Variants in CDC42BPB observed in about 807,000 individuals in gnomAD.
CDC42BPB encodes the protein serine/threonine-protein kinase MRCK beta.
Under a neutral mutation model 214.9 loss-of-function variants are expected in CDC42BPB, and 37 were observed. The observed-to-expected ratio is 0.17, with a 90% confidence interval of 0.13 to 0.23. The LOEUF is 0.23. Ranked by LOEUF, CDC42BPB falls within the 10% of genes least tolerant of loss-of-function variation. CDC42BPB has a pLI of 1.00. For missense variants in CDC42BPB, 1,694 were observed against 2,227.0 expected, an observed-to-expected ratio of 0.76 and a Z score of 4.82; for synonymous variants, 931 against 884.0, an observed-to-expected ratio of 1.05 and a Z score of -0.94.
chr14:103,007,559 GC>G (rs1885905888), intron 3 of CDC42BPB, among the ~76,000 whole-genome samples: 1 of 152,224 alleles, frequency 6.6e-6, no homozygotes, highest in African/African-American at 2.4e-5. Context: ...TGAGGAGGTG[GC>G]CACGTCGAGA....
Position 102,944,413 on chromosome 14 carries a change from G to C in CDC42BPB, c.3886C>G (p.Leu1296Val). 6.2e-7 allele frequency: 1 copy of C among 1,613,084 alleles called. No homozygotes were observed. The highest frequency in any genetic ancestry group is 8.5e-7 in the Non-Finnish European group (1 of 1,180,002). Residue 1296 changes from leucine (L) to valine (V), a missense_variant, in exon 30 of 37, where the codon CTC becomes GTC. By Grantham distance (32) the Leu-to-Val change is conservative. Transcript: ENST00000361246. This position sits in a 1 kb window ranked among gnomAD's most constrained non-coding sequence, Gnocchi z 6.6. ...TGCACATGGTGGTTCCGGCCACAGA[G>C]GAGGATTACGATCTTCTCCCTGGGA... ...LAPREKIVIL[L>V]CGRNHHVHLY...
intron 16 of CDC42BPB, among the ~76,000 whole-genome samples, chr14:102,967,569 G>C (rs988199113): frequency 6.6e-6 from 1 of 152,250 alleles, no homozygotes; most frequent in African/African-American, 2.4e-5. Flanking sequence ...CGGTGCGGCT[G>C]CCGCACACCA....
chr14:102,949,160 G>A (rs1452472144), intron 26 of CDC42BPB, among the ~76,000 whole-genome samples: 1 of 152,180 alleles, frequency 6.6e-6, no homozygotes, highest in East Asian at 1.9e-4. Flanking sequence ...TCTTAGTGAT[G>A]CGTTTACCTT....
At chr14:103,056,512 G>A (rs1276745551) in intron 1 of CDC42BPB, among the ~76,000 whole-genome samples, 3 of 152,028 alleles carry the variant, frequency 2.0e-5, no homozygotes, top group African/African-American at 4.8e-5. Context: ...GAGAAGCGTG[G>A]GGTGGGGAAA....
At chr14:103,031,189 A>G (rs185198450) in intron 1 of CDC42BPB, among the ~76,000 whole-genome samples, 1 of 152,178 alleles carries the variant, frequency 6.6e-6, no homozygotes, top group East Asian at 1.9e-4. Flanking sequence ...CCAAGCAGAG[A>G]AAGATGGCCA....
At chr14:102,980,317 A>G (rs1566877890) in intron 8 of CDC42BPB, among the ~76,000 whole-genome samples, 2 of 152,082 alleles carry the variant, frequency 1.3e-5, no homozygotes, top group African/African-American at 4.8e-5. Context: ...ACATGGTGAA[A>G]CCCCGTCTCT....
Position 103,057,238 on chromosome 14 carries a change from C to A in CDC42BPB, c.-65G>T. On this transcript the variant is annotated 5_prime_UTR_variant, in exon 1 of 37. Coordinates refer to ENST00000361246, the MANE Select transcript of CDC42BPB (RefSeq NM_006035.4). ...CGCCGGCTCGGCCAGTCCGTCAGGG[C>A]GCGCCCTCGGGGGCTCGGCGGCTGC... 2 of 1,223,330 alleles carry A rather than the reference C, an allele frequency of 1.6e-6. No individual in the cohort carries two copies. Among genetic ancestry groups the A allele is most frequent in the Non-Finnish European group, 2.0e-6 (2 of 980,840 alleles). The allele number at this position is 1,223,330 out of a possible 1,614,324, so 75.8% of individuals were successfully genotyped here.
chr14:102,940,331 C>T lies in CDC42BPB; in HGVS notation c.4409-7G>A. 2 of 1,561,396 alleles carry T rather than the reference C, an allele frequency of 1.3e-6. No homozygotes were observed. Among genetic ancestry groups the T allele is most frequent in the African/African-American group, 1.4e-5 (1 of 73,792 alleles). On this transcript the variant is annotated splice_polypyrimidine_tract_variant and splice_region_variant and intron_variant, in intron 30 of 36. Coordinates refer to ENST00000361246, the MANE Select transcript of CDC42BPB (RefSeq NM_006035.4). The stretch of plus-strand genomic sequence containing the variant: ...ACGTGGGTGGGGCTGCAACCTAGCG[C>T]AGACGGAGCAGGGCGGGGTGAGCCA...
intron 1 of CDC42BPB, chr14:103,041,657 G>A (rs1319988342): frequency 3.7e-5 from 22 of 599,048 alleles, no homozygotes; most frequent in East Asian, 8.9e-5. Flanking sequence ...CGCACAGTGC[G>A]AAATCACACC....
At chr14:103,045,800 G>T (rs148057206) in intron 1 of CDC42BPB, among the ~76,000 whole-genome samples, 2 of 152,108 alleles carry the variant, frequency 1.3e-5, no homozygotes, top group African/African-American at 4.8e-5. Flanking sequence ...AAACCACAGC[G>T]GCGCATAATC....
intron 29 of CDC42BPB, chr14:102,945,231 T>C (rs959416803): frequency 6.5e-6 from 3 of 458,040 alleles, no homozygotes; most frequent in African/African-American, 6.0e-5. Context: ...CCCCTGCCCA[T>C]GGCCAGTTCC....
chr14:103,036,707 T>C (rs980881818), intron 1 of CDC42BPB, among the ~76,000 whole-genome samples: 16 of 152,248 alleles, frequency 1.1e-4, no homozygotes, highest in Admixed American at 7.9e-4. Context: ...TATGATTCTA[T>C]AGCATGTATA....
At chr14:103,005,110 G>C (rs1304536329) in intron 3 of CDC42BPB, among the ~76,000 whole-genome samples, 1 of 151,584 alleles carries the variant, frequency 6.6e-6, no homozygotes, top group Non-Finnish European at 1.5e-5. Flanking sequence ...GGAGCTTGCA[G>C]TGAGCCGAGA....
At chr14:103,043,994 A>T (rs1474049404) in intron 1 of CDC42BPB, among the ~76,000 whole-genome samples, 1 of 152,216 alleles carries the variant, frequency 6.6e-6, no homozygotes, top group Non-Finnish European at 1.5e-5. Flanking sequence ...ACACAGTATA[A>T]TATCAATGCC....
At chr14:103,051,154 C>CGGGGGGGGGGGGGGGGG (rs1179516926) in intron 1 of CDC42BPB, among the ~76,000 whole-genome samples, 6 of 6,820 alleles carry the variant, frequency 8.8e-4, no homozygotes, top group African/African-American at 2.3e-3. Flanking sequence ...GTATTTGGGG[C>CGGGGGGGGGGGGGGGGG]GGGGGGGCGG....
chr14:103,032,725 C>T (rs1431789052), intron 1 of CDC42BPB, among the ~76,000 whole-genome samples: 6 of 149,140 alleles, frequency 4.0e-5, no homozygotes, highest in African/African-American at 7.4e-5. Context: ...CTCTGCCTCC[C>T]GGGTTCAAGC....
intron 1 of CDC42BPB, among the ~76,000 whole-genome samples, chr14:103,036,070 G>C (rs1887645792): frequency 1.3e-5 from 2 of 151,954 alleles, no homozygotes; most frequent in African/African-American, 4.8e-5. Context: ...AGGATCACCT[G>C]AGCCCAGGAG....
At chr14:102,969,403 G>C (rs1227333596) in intron 14 of CDC42BPB, among the ~76,000 whole-genome samples, 1 of 152,198 alleles carries the variant, frequency 6.6e-6, no homozygotes, top group African/African-American at 2.4e-5. Context: ...TCCGGCTTTG[G>C]TCTGCCAAGC....
chr14:102,968,133 G>A (rs183304636), intron 16 of CDC42BPB, 120 bp downstream of exon 16: 22 of 663,762 alleles, frequency 3.3e-5, no homozygotes, highest in Admixed American at 5.9e-5. Context: ...CAAGAATGAC[G>A]ACATTCTACT....
Sources: gnomAD v4.1 joint callset for allele counts (sites outside exome capture counted in the v4.1 genomes callset) on GRCh38, gnomAD v4.1.1 for gene constraint, Gnocchi (gnomAD v3.1) non-coding constraint, MANE v1.5 for transcripts, NCBI Gene and HGNC (gene_info 2026-07-23, HGNC 2026-07-21) for gene names.